Variants in SIPA1L2 observed in about 807,000 individuals in gnomAD.
The protein encoded by SIPA1L2 is signal induced proliferation associated 1 like 2, also known as signal-induced proliferation-associated 1-like protein 2.
Under a neutral mutation model 163.9 loss-of-function variants are expected in SIPA1L2, and 56 were observed. The ratio of observed to expected loss-of-function variants is 0.34; its 90% CI spans 0.28 to 0.43. The LOEUF is 0.43. SIPA1L2 is among the 20% of genes least tolerant of loss of function. The pLI, the probability that SIPA1L2 is intolerant of heterozygous loss-of-function variation, is 1.00. For synonymous variants in SIPA1L2, 877 were observed against 865.7 expected (o/e 1.01, Z -0.23); for missense variants, 1,974 against 2,193.5 (o/e 0.90, Z 2.00).
chr1:232,445,677 C>A lies in SIPA1L2; in HGVS notation c.3205G>T (p.Val1069Leu). 1 of 1,613,304 alleles carries A rather than the reference C, an allele frequency of 6.2e-7. No individual in the cohort carries two copies. ...PFRRNTTWHR[V>L]PTPALQPLSR... ...AGGGGCTGCAGGGCAGGAGTGGGCA[C>A]CCGGTGCCACGTGGTGTTCCTCCTG... The change falls in exon 11 of 23, where the codon GTG (valine) becomes TTG (leucine). Residue 1069 changes from valine to leucine, a missense_variant. Val to Leu is a conservative substitution (Grantham distance 32). This residue lies in a region of SIPA1L2 where 1,079 missense variants were observed against 1,150.7 expected (regional missense o/e 0.94). Coordinates refer to ENST00000674635, the MANE Select transcript of SIPA1L2 (RefSeq NM_020808.5).
intron 8 of SIPA1L2, among the ~76,000 whole-genome samples, chr1:232,469,799 A>C (rs1204400113): frequency 6.6e-6 from 1 of 151,616 alleles, no homozygotes; most frequent in South Asian, 2.1e-4. Context: ...AAAAACATTT[A>C]TTTCTTTTAG....
intron 10 of SIPA1L2, among the ~76,000 whole-genome samples, chr1:232,455,635 TTGCAGC>T (rs1286718368): frequency 0.01 from 1,503 of 148,140 alleles, 29 homozygotes; most frequent in African/African-American, 0.036. Context: ...GAGGCGGAGC[TTGCAGC>T]GAGCCGGAGC....
chr1:232,567,418 C>T (rs789646), intron 2 of SIPA1L2, among the ~76,000 whole-genome samples: 4 of 151,966 alleles, frequency 2.6e-5, no homozygotes, highest in Non-Finnish European at 5.9e-5. Flanking sequence ...AAACCTTACT[C>T]ATAATATAAT....
chr1:232,481,083 T>C (rs1449445075), intron 6 of SIPA1L2, among the ~76,000 whole-genome samples: 1 of 152,210 alleles, frequency 6.6e-6, no homozygotes, highest in African/African-American at 2.4e-5. Flanking sequence ...GGAGAGAATA[T>C]TCATCCAAAA....
At chr1:232,577,395 T>C (rs796898611) in intron 1 of SIPA1L2, among the ~76,000 whole-genome samples, 6 of 152,338 alleles carry the variant, frequency 3.9e-5, no homozygotes, top group African/African-American at 1.2e-4. Flanking sequence ...AGGAGATGAA[T>C]GTTGTTTCTT....
rs543007648 is a variant in SIPA1L2 at position 232,476,107 on chromosome 1, T to G, written c.2085+3520A>C. On this transcript the variant is annotated intron_variant, in intron 7 of 22. Transcript: ENST00000674635. ...GAGGTAGGTTGTTCCAGTATTTACA[T>G]GAGTCCTTAGCAACACCAACTAGGG... is the stretch of plus-strand genomic sequence containing the variant. Among the ~76,000 whole-genome samples, 3 of 152,304 alleles carry G rather than the reference T, an allele frequency of 2.0e-5. No homozygotes were observed. The East Asian group carries it at 5.8e-4, about 29-fold the overall frequency.
intron 19 of SIPA1L2, among the ~76,000 whole-genome samples, chr1:232,413,718 CCTTCT>C (rs1661086856): frequency 6.6e-6 from 1 of 152,144 alleles, no homozygotes; most frequent in Non-Finnish European, 1.5e-5. Context: ...AAAGAGGCAG[CCTTCT>C]CTTAAGAAAC....
chr1:232,400,348 A>T (rs1341788644), intron 22 of SIPA1L2, among the ~76,000 whole-genome samples: 1 of 152,130 alleles, frequency 6.6e-6, no homozygotes, highest in Non-Finnish European at 1.5e-5. Flanking sequence ...ACATCCCTGC[A>T]AACCTTTTAT....
intron 18 of SIPA1L2, among the ~76,000 whole-genome samples, chr1:232,419,063 C>G (rs892504709): frequency 6.6e-6 from 1 of 152,144 alleles, no homozygotes; most frequent in African/African-American, 2.4e-5. Context: ...GAAAGCAAAA[C>G]AGGGTGATGT....
Position 232,465,337 on chromosome 1 carries a change from C to A in SIPA1L2, c.2323G>T (p.Val775Leu), listed in dbSNP as rs376479487. The part of the protein sequence containing the change: ...PKGVTFPKSA[V>L]FRDFLLAKVI... ...TTGGCTAAAAGGAAGTCCCGGAACA[C>A]GGCTGACTTTGGAAAAGTTACACCT... is the stretch of plus-strand genomic sequence containing the variant. Residue 775 changes from valine (V) to leucine (L), a missense_variant, in exon 9 of 23, where the codon GTG becomes TTG. By Grantham distance (32) the Val-to-Leu change is conservative. Coordinates refer to ENST00000674635, the MANE Select transcript of SIPA1L2 (RefSeq NM_020808.5). This position sits in a 1 kb window ranked among gnomAD's most constrained non-coding sequence, Gnocchi z 4.1. The A allele has an allele frequency of 1.5e-5, 25 of 1,614,152 alleles. No homozygotes were observed. Among genetic ancestry groups the A allele is most frequent in the Non-Finnish European group, 1.9e-5 (23 of 1,180,010 alleles).
chr1:232,456,188 T>C (rs1300329882), intron 10 of SIPA1L2, among the ~76,000 whole-genome samples: 1 of 152,166 alleles, frequency 6.6e-6, no homozygotes, highest in Non-Finnish European at 1.5e-5. Flanking sequence ...AAGGCTCACT[T>C]GAGTCCAGAT....
At chr1:232,433,079 A>G (rs1252877406) in intron 15 of SIPA1L2, among the ~76,000 whole-genome samples, 1 of 152,200 alleles carries the variant, frequency 6.6e-6, no homozygotes, top group Non-Finnish European at 1.5e-5. Flanking sequence ...CCCCTGCTGC[A>G]CGTGCAACTG....
intron 1 of SIPA1L2, among the ~76,000 whole-genome samples, chr1:232,586,933 G>A (rs1261479536): frequency 6.6e-6 from 1 of 152,158 alleles, no homozygotes; most frequent in African/African-American, 2.4e-5. Flanking sequence ...ATTATTTTTG[G>A]AGTATGTCTA....
chr1:232,624,737 T>C (rs1045232571), intron 1 of SIPA1L2, among the ~76,000 whole-genome samples: 7 of 152,242 alleles, frequency 4.6e-5, no homozygotes, highest in Non-Finnish European at 7.3e-5. Context: ...TGGAGTAATC[T>C]AATGGGCAGA....
At chr1:232,487,571 C>T (rs1395532685) in intron 5 of SIPA1L2, among the ~76,000 whole-genome samples, 1 of 152,136 alleles carries the variant, frequency 6.6e-6, no homozygotes, top group Non-Finnish European at 1.5e-5. Context: ...ACTTTGTTTA[C>T]AGTCATCCTC....
intron 2 of SIPA1L2, among the ~76,000 whole-genome samples, chr1:232,566,509 C>T (rs899370321): frequency 6.6e-6 from 1 of 152,214 alleles, no homozygotes; most frequent in Admixed American, 6.5e-5. Flanking sequence ...CGTCGCTTTT[C>T]ACTAACGGAA....
intron 3 of SIPA1L2, among the ~76,000 whole-genome samples, chr1:232,504,660 T>C (rs1198763128): frequency 2.0e-5 from 3 of 152,242 alleles, no homozygotes; most frequent in African/African-American, 7.2e-5. Context: ...ATTTTTGTCA[T>C]GTAAATTTTT....
At chr1:232,509,987 C>T (rs1321482902) in intron 3 of SIPA1L2, among the ~76,000 whole-genome samples, 1 of 152,158 alleles carries the variant, frequency 6.6e-6, no homozygotes, top group Non-Finnish European at 1.5e-5. Context: ...ACACTGAAGA[C>T]AAAGTGACCT....
intron 19 of SIPA1L2, among the ~76,000 whole-genome samples, chr1:232,411,459 C>T (rs1238525917): frequency 6.6e-6 from 1 of 152,126 alleles, no homozygotes; most frequent in Non-Finnish European, 1.5e-5. Context: ...AACTTAACCT[C>T]CTTTCTAACA....
Sources: allele counts gnomAD v4.1 joint callset (sites outside exome capture counted in the v4.1 genomes callset), GRCh38; gene constraint gnomAD v4.1.1; regional missense constraint gnomAD v4.1.1; non-coding constraint Gnocchi (gnomAD v3.1); transcripts MANE v1.5; gene names NCBI Gene and HGNC (gene_info 2026-07-23, HGNC 2026-07-21).